The following CLVS1 variants were observed in gnomAD, a reference collection of about 807,000 sequenced individuals.
The protein encoded by CLVS1 is clavesin 1, also known as clavesin-1.
CLVS1 carries 10 observed loss-of-function variants against 33.1 expected under a neutral mutation model. That is an observed-to-expected ratio of 0.30 (90% confidence interval 0.19 to 0.51). The LOEUF (loss-of-function observed/expected upper bound fraction) is 0.51. Ranked by LOEUF, CLVS1 falls within the 20% of genes least tolerant of loss-of-function variation. The probability of loss-of-function intolerance (pLI) is 0.97; values close to 1 mark genes in which losing one functional copy is unlikely to be tolerated. For missense variants in CLVS1, 343 were observed against 433.4 expected, an observed-to-expected ratio of 0.79 and a Z score of 1.85; for synonymous variants, 163 against 166.1, an observed-to-expected ratio of 0.98 and a Z score of 0.14.
At chr8:61,188,068 G>T (rs918782279) in intron 2 of CLVS1, among the ~76,000 whole-genome samples, 1 of 152,164 alleles carries the variant, frequency 6.6e-6, no homozygotes, top group East Asian at 1.9e-4. Context: ...GGCTTTATGA[G>T]ATGTGAGGAC....
At chr8:61,236,078 G>A (rs1230061018) in intron 2 of CLVS1, among the ~76,000 whole-genome samples, 1 of 152,194 alleles carries the variant, frequency 6.6e-6, no homozygotes, top group African/African-American at 2.4e-5. Flanking sequence ...AGAAAGCAAA[G>A]TCTGCCAGTA....
At chr8:61,408,207 G>A (rs1323162566) in intron 3 of CLVS1, among the ~76,000 whole-genome samples, 1 of 152,146 alleles carries the variant, frequency 6.6e-6, no homozygotes, top group East Asian at 1.9e-4. Flanking sequence ...AGAGATTAGT[G>A]ATAGCAAGAA....
intron 1 of CLVS1, among the ~76,000 whole-genome samples, chr8:61,078,774 A>G (rs112952833): frequency 8.7e-4 from 132 of 152,342 alleles, no homozygotes; most frequent in Middle Eastern, 6.8e-3. Context: ...TTAGCTCTCC[A>G]TGGCTAATGA....
chr8:61,260,844 T>C (rs1809188495), intron 2 of CLVS1, among the ~76,000 whole-genome samples: 1 of 152,164 alleles, frequency 6.6e-6, no homozygotes, highest in East Asian at 1.9e-4. Context: ...GGGGAGTAGA[T>C]AACCATGCTG....
chr8:61,218,306 G>C (rs1412608157), intron 2 of CLVS1, among the ~76,000 whole-genome samples: 1 of 151,792 alleles, frequency 6.6e-6, no homozygotes, highest in African/African-American at 2.4e-5. Flanking sequence ...GTATACCATG[G>C]AATACTACTC....
chr8:61,116,873 T>C (rs1257082746), intron 1 of CLVS1, among the ~76,000 whole-genome samples: 2 of 143,960 alleles, frequency 1.4e-5, no homozygotes, highest in African/African-American at 5.3e-5. Context: ...TGGTTCCATA[T>C]GAACTTTAAA....
At chr8:61,113,873 C>T (rs1287026292) in intron 1 of CLVS1, among the ~76,000 whole-genome samples, 1 of 152,198 alleles carries the variant, frequency 6.6e-6, no homozygotes. Flanking sequence ...TCAGGCAACC[C>T]TCCTCTTGCC....
intron 2 of CLVS1, chr8:61,202,221 T>G: frequency 2.1e-6 from 1 of 466,188 alleles, no homozygotes; most frequent in Non-Finnish European, 4.0e-6. Flanking sequence ...TACATTGATT[T>G]CTTTATCATG....
intron 2 of CLVS1, among the ~76,000 whole-genome samples, chr8:61,358,886 A>G (rs75040520): frequency 0.016 from 2,482 of 152,256 alleles, 58 homozygotes; most frequent in African/African-American, 0.056. Context: ...ATTTAAATGT[A>G]TATTTTTTCT....
the CLVS1 span, among the ~76,000 whole-genome samples, chr8:60,970,316 G>A: frequency 3.3e-5 from 5 of 152,198 alleles, no homozygotes; most frequent in African/African-American, 9.7e-5. Context: ...CCTCAGGACC[G>A]GCTGCTGGTC....
At chr8:60,979,128 A>G in the CLVS1 span, among the ~76,000 whole-genome samples, 2 of 152,242 alleles carry the variant, frequency 1.3e-5, no homozygotes, top group African/African-American at 2.4e-5. Context: ...ACTAGAAGCC[A>G]GTAGGACTGG....
At chr8:61,195,990 G>A (rs1043005232) in intron 2 of CLVS1, among the ~76,000 whole-genome samples, 1 of 152,012 alleles carries the variant, frequency 6.6e-6, no homozygotes, top group African/African-American at 2.4e-5. Flanking sequence ...TGAGCTTTGG[G>A]TTTCAGCTTC....
intron 2 of CLVS1, among the ~76,000 whole-genome samples, chr8:61,168,256 T>G (rs974014207): frequency 6.6e-6 from 1 of 152,236 alleles, no homozygotes; most frequent in African/African-American, 2.4e-5. Flanking sequence ...CAAGTCTATA[T>G]GTTTTACAGC....
At chr8:61,420,197 C>T (rs572748864) in intron 3 of CLVS1, among the ~76,000 whole-genome samples, 2 of 152,252 alleles carry the variant, frequency 1.3e-5, no homozygotes, top group Admixed American at 6.5e-5. Context: ...CTCACTCATA[C>T]AACGGAACTG....
chr8:61,012,626 C>A, the CLVS1 span, among the ~76,000 whole-genome samples: 1 of 152,096 alleles, frequency 6.6e-6, no homozygotes, highest in Non-Finnish European at 1.5e-5. Context: ...ATGGGGAGGG[C>A]CAATGTTTAG....
intron 1 of CLVS1, among the ~76,000 whole-genome samples, chr8:61,106,818 C>T (rs921737836): frequency 2.0e-5 from 3 of 152,178 alleles, no homozygotes; most frequent in Admixed American, 6.5e-5. Flanking sequence ...GAGGCTCTTA[C>T]CAATATATTG....
chr8:61,121,097 G>C (rs4588848), intron 1 of CLVS1, among the ~76,000 whole-genome samples: 83,964 of 150,750 alleles, frequency 0.56, 24,747 homozygotes, highest in East Asian at 0.97. Flanking sequence ...TTAAGCCCGT[G>C]GGAAAAGCGC....
chr8:61,392,842 C>CAAAAAAAAACAAAAA (rs570764748), intron 3 of CLVS1, among the ~76,000 whole-genome samples: 1 of 149,490 alleles, frequency 6.7e-6, no homozygotes, highest in African/African-American at 2.5e-5. Context: ...GACTCTGTCT[C>CAAAAAAAAACAAAAA]AAAAAAAACA....
At chr8:61,115,242 C>G (rs1315739778) in intron 1 of CLVS1, among the ~76,000 whole-genome samples, 1 of 152,120 alleles carries the variant, frequency 6.6e-6, no homozygotes. Flanking sequence ...AACCATTTCT[C>G]ACTGTTATTG....
Sources: gnomAD v4.1 joint callset for allele counts (sites outside exome capture counted in the v4.1 genomes callset) on GRCh38, gnomAD v4.1.1 for gene constraint, MANE v1.5 for transcripts, NCBI Gene and HGNC (gene_info 2026-07-23, HGNC 2026-07-21) for gene names.